SLC7A13: variants seen among roughly 807,000 people sequenced by gnomAD.
The protein encoded by SLC7A13 is solute carrier family 7 member 13.
SLC7A13 carries 31 observed loss-of-function variants against 32.0 expected under a neutral mutation model. The ratio of observed to expected loss-of-function variants is 0.97; its 90% CI spans 0.73 to 1.31. The LOEUF is 1.31. Among genes scored for constraint, SLC7A13 ranks in the 50% most tolerant of loss-of-function variants. SLC7A13 has a pLI of 0.00. For missense variants in SLC7A13, 633 were observed against 546.9 expected (o/e 1.16, Z -1.57); for synonymous variants, 232 against 206.9 (o/e 1.12, Z -1.04).
chr8:86,214,158 A>G lies in SLC7A13; in HGVS notation c.*255T>C. The G allele has an allele frequency of 3.6e-6, 1 of 277,566 alleles. No individual in the cohort carries two copies. The allele number at this position is 277,566 out of a possible 1,614,324, so 17.2% of individuals were successfully genotyped here. A position where few individuals can be genotyped will look rare whatever the true frequency, so the allele number is the denominator to read the frequency against. The stretch of plus-strand genomic sequence containing the variant: ...AAAGTGAGAGAATGGAAGTTGTATA[A>G]TCACTCTATCAAGCTACGCAAACCA... On this transcript the variant is annotated 3_prime_UTR_variant, in exon 4 of 4. Coordinates refer to ENST00000297524, the MANE Select transcript of SLC7A13 (RefSeq NM_138817.3).
At chr8:86,219,388 A>T (rs756722089) in intron 2 of SLC7A13, among the ~76,000 whole-genome samples, 2 of 152,222 alleles carry the variant, frequency 1.3e-5, no homozygotes, top group Non-Finnish European at 2.9e-5. Context: ...GCTCTATGCC[A>T]CAAGGGATGT....
intron 1 of SLC7A13, among the ~76,000 whole-genome samples, chr8:86,223,803 A>G (rs1231689971): frequency 6.6e-6 from 1 of 151,822 alleles, no homozygotes; most frequent in African/African-American, 2.4e-5. Flanking sequence ...GCACACACAC[A>G]CACACACACA....
chr8:86,228,762 C>G (rs746295242), intron 1 of SLC7A13, among the ~76,000 whole-genome samples: 1 of 151,862 alleles, frequency 6.6e-6, no homozygotes, highest in Non-Finnish European at 1.5e-5. Flanking sequence ...AGGAGAATTG[C>G]TTGAACCCAG....
Position 86,217,734 on chromosome 8 carries a change from A to T in SLC7A13, c.915T>A (p.Ile305=). 1 of 1,613,336 alleles carries T rather than the reference A, an allele frequency of 6.2e-7. No individual in the cohort carries two copies. The highest frequency in any genetic ancestry group is 8.5e-7 in the Non-Finnish European group (1 of 1,179,550). Residue 305 remains isoleucine (I), a synonymous_variant, in exon 3 of 4, where the codon ATT becomes ATA. Transcript: ENST00000297524. ...TTGGTCTCGATGATTTAAATATAGA[A>T]ATCAGAAGGTTGCTAAATAATGAGG... The part of the protein sequence containing the change: ...ISTSLFSNLL[I]SIFKSSRPIY...
chr8:86,214,791 G>T, intron 3 of SLC7A13, 145 bp from the exon 4 acceptor site: 1 of 646,132 alleles, frequency 1.5e-6, no homozygotes, highest in Non-Finnish European at 2.6e-6. Flanking sequence ...ATCTGGCTTA[G>T]AAGTCAGATA....
intron 1 of SLC7A13, among the ~76,000 whole-genome samples, chr8:86,226,948 A>G (rs1238882898): frequency 6.6e-6 from 1 of 152,192 alleles, no homozygotes; most frequent in African/African-American, 2.4e-5. Context: ...ATGGCTATCT[A>G]TTAAATACTG....
At chr8:86,226,507 G>A (rs1446071498) in intron 1 of SLC7A13, among the ~76,000 whole-genome samples, 1 of 151,976 alleles carries the variant, frequency 6.6e-6, no homozygotes, top group Non-Finnish European at 1.5e-5. Flanking sequence ...CCCACTTTTT[G>A]AAACATATTG....
intron 3 of SLC7A13, among the ~76,000 whole-genome samples, chr8:86,216,859 AC>A (rs537053737): frequency 1.7e-4 from 26 of 152,300 alleles, no homozygotes; most frequent in Non-Finnish European, 3.5e-4. Flanking sequence ...TACCTAGGCA[AC>A]TAAGATTATT....
intron 2 of SLC7A13, among the ~76,000 whole-genome samples, chr8:86,219,253 G>GA (rs1820246897): frequency 6.6e-6 from 1 of 152,042 alleles, no homozygotes; most frequent in African/African-American, 2.4e-5. Flanking sequence ...TAAGGCAAAG[G>GA]AAATTCCCCT....
intron 1 of SLC7A13, among the ~76,000 whole-genome samples, chr8:86,227,202 C>T (rs1401954402): frequency 6.6e-6 from 1 of 152,104 alleles, no homozygotes; most frequent in East Asian, 1.9e-4. Flanking sequence ...ATAGTGGCTA[C>T]TCAAATGATT....
intron 1 of SLC7A13, among the ~76,000 whole-genome samples, chr8:86,227,097 G>T (rs1306696783): frequency 1.3e-5 from 2 of 152,248 alleles, no homozygotes; most frequent in African/African-American, 2.4e-5. Context: ...TCTAGGTATT[G>T]CCTCTTCTAC....
chr8:86,223,199 G>A, intron 1 of SLC7A13, 96 bp from the exon 2 acceptor site: 1 of 1,225,658 alleles, frequency 8.2e-7, no homozygotes, highest in Non-Finnish European at 1.1e-6. Flanking sequence ...ATAAATTAAT[G>A]GGGTACAAGC....
chr8:86,216,872 T>C (rs1451790132), intron 3 of SLC7A13, among the ~76,000 whole-genome samples: 1 of 152,224 alleles, frequency 6.6e-6, no homozygotes, highest in Non-Finnish European at 1.5e-5. Flanking sequence ...AAGATTATTT[T>C]ATTATTCTGA....
At chr8:86,228,351 G>C (rs1250439156) in intron 1 of SLC7A13, among the ~76,000 whole-genome samples, 1 of 151,986 alleles carries the variant, frequency 6.6e-6, no homozygotes, top group Non-Finnish European at 1.5e-5. Flanking sequence ...CAGTATCTTC[G>C]CATTGTTGGC....
chr8:86,215,439 A>AG, intron 3 of SLC7A13: 1 of 197,900 alleles, frequency 5.1e-6, no homozygotes, highest in East Asian at 1.7e-4. Flanking sequence ...TATAATCCCA[A>AG]CACTTTGTGA....
intron 1 of SLC7A13, among the ~76,000 whole-genome samples, chr8:86,227,349 T>A (rs1005767734): frequency 6.6e-6 from 1 of 151,408 alleles, no homozygotes; most frequent in South Asian, 2.1e-4. Context: ...TGAGAAAAAA[T>A]GAAATAAAAG....
chr8:86,223,011 A>G lies in SLC7A13; in HGVS notation c.778T>C (p.Tyr260His). The change falls in exon 2 of 4, where the codon TAT becomes CAT. Residue 260 changes from tyrosine (Y) to histidine (H), a missense_variant. By Grantham distance (83) the Tyr-to-His change is moderately conservative. Transcript: ENST00000297524. ...TVVYLLVNIS[Y>H]LTVLTPREIL... The stretch of plus-strand genomic sequence containing the variant: ...TCCCTGGGTGTCAGAACAGTCAGAT[A>G]GGAAATGTTAACCAGTAAATAAACT... 1.2e-6 allele frequency: 2 copies of G among 1,609,168 alleles called. No individual in the cohort carries two copies. The highest frequency in any genetic ancestry group is 1.7e-6 in the Non-Finnish European group (2 of 1,177,862).
At chr8:86,229,073 T>C (rs1305327898) in intron 1 of SLC7A13, among the ~76,000 whole-genome samples, 1 of 152,172 alleles carries the variant, frequency 6.6e-6, no homozygotes, top group Non-Finnish European at 1.5e-5. Flanking sequence ...TTAATCAGAA[T>C]GCTTGACGTG....
At chr8:86,228,575 G>T (rs1032240725) in intron 1 of SLC7A13, among the ~76,000 whole-genome samples, 3 of 152,070 alleles carry the variant, frequency 2.0e-5, no homozygotes, top group African/African-American at 7.2e-5. Flanking sequence ...GGCAGGTGCA[G>T]TGGCTCACGC....
Sources: allele counts gnomAD v4.1 joint callset (sites outside exome capture counted in the v4.1 genomes callset), GRCh38; gene constraint gnomAD v4.1.1; transcripts MANE v1.5; gene names NCBI Gene and HGNC (gene_info 2026-07-23, HGNC 2026-07-21).